TBL1X: variants seen among roughly 807,000 people sequenced by gnomAD.
TBL1X encodes F-box-like/WD repeat-containing protein TBL1X.
Under a neutral mutation model 50.7 loss-of-function variants are expected in TBL1X, and 10 were observed. The ratio of observed to expected loss-of-function variants is 0.20; its 90% CI spans 0.12 to 0.33. The LOEUF (loss-of-function observed/expected upper bound fraction) is 0.33. Ranked by LOEUF, TBL1X falls within the 10% of genes least tolerant of loss-of-function variation. The pLI is 1.00. For missense variants in TBL1X, 340 were observed against 504.4 expected (o/e 0.67, Z 3.12); for synonymous variants, 190 against 214.7 (o/e 0.88, Z 1.01).
chrX:9,491,499 C>A (rs1295740494), intron 1 of TBL1X, among the ~76,000 whole-genome samples: 1 of 106,614 alleles, frequency 9.4e-6, no homozygotes, highest in Admixed American at 1.0e-4. Context: ...TACCACCACA[C>A]CCAGCTAGTG....
At chrX:9,537,703 C>T (rs1339600728) in intron 2 of TBL1X, among the ~76,000 whole-genome samples, 1 of 113,006 alleles carries the variant, frequency 8.8e-6, no homozygotes, top group Non-Finnish European at 1.9e-5. Context: ...TGTTTATCCA[C>T]TCATCTGTCA....
At chrX:9,539,498 C>T (rs758814906) in intron 2 of TBL1X, among the ~76,000 whole-genome samples, 26 of 111,682 alleles carry the variant, frequency 2.3e-4, no homozygotes, top group African/African-American at 8.5e-4. Context: ...TCCTACTCCC[C>T]TCTTCTCCTC....
chrX:9,694,379 A>G (rs1262728710), intron 11 of TBL1X, among the ~76,000 whole-genome samples: 1 of 111,806 alleles, frequency 8.9e-6, no homozygotes, highest in African/African-American at 3.3e-5. Flanking sequence ...AAAACTTACT[A>G]GGTCTTGAAG....
At chrX:9,636,527 C>CAACAACAACAACAACAACAA (rs1041145002) in intron 2 of TBL1X, 1 of 108,019 alleles carries the variant, frequency 9.3e-6, no homozygotes, top group South Asian at 4.0e-4. Flanking sequence ...ACAACAACAA[C>CAACAACAACAACAACAACAA]CATGTATGGT....
chrX:9,514,440 C>A (rs1170518873), intron 2 of TBL1X, among the ~76,000 whole-genome samples: 1 of 111,332 alleles, frequency 9.0e-6, no homozygotes, highest in Non-Finnish European at 1.9e-5. Flanking sequence ...GTGTTTGTTG[C>A]AGTTAGTTTT....
intron 2 of TBL1X, among the ~76,000 whole-genome samples, chrX:9,598,030 G>A: frequency 8.9e-6 from 1 of 111,922 alleles, no homozygotes; most frequent in East Asian, 2.8e-4. Context: ...TCTTAACCGA[G>A]TGTGACTGGC....
chrX:9,472,543 C>T (rs1198991172), intron 1 of TBL1X, among the ~76,000 whole-genome samples: 1 of 108,065 alleles, frequency 9.3e-6, no homozygotes, highest in Non-Finnish European at 1.9e-5. Flanking sequence ...CTTCCTGCAT[C>T]GGCCTCCCAA....
At chrX:9,702,159 G>C (rs1174289159) in intron 12 of TBL1X, among the ~76,000 whole-genome samples, 1 of 111,454 alleles carries the variant, frequency 9.0e-6, no homozygotes, top group Non-Finnish European at 1.9e-5. Context: ...CACATGGCTG[G>C]GTGCGTTGGC....
intron 2 of TBL1X, among the ~76,000 whole-genome samples, chrX:9,625,945 T>A (rs1470948894): frequency 8.9e-6 from 1 of 111,732 alleles, no homozygotes; most frequent in Non-Finnish European, 1.9e-5. Context: ...TGGTTGTTTT[T>A]ATTTTTTATT....
chrX:9,560,865 C>T (rs1040843045), intron 2 of TBL1X, among the ~76,000 whole-genome samples: 4 of 111,954 alleles, frequency 3.6e-5, no homozygotes, highest in South Asian at 7.5e-4. Flanking sequence ...CAATCAGGTC[C>T]TCCCAACTCC....
At chrX:9,566,734 G>C (rs1349719247) in intron 2 of TBL1X, among the ~76,000 whole-genome samples, 1 of 83,579 alleles carries the variant, frequency 1.2e-5, no homozygotes, top group East Asian at 3.4e-4. Flanking sequence ...CCAGTGCTCA[G>C]GTGGCTGCGG....
intron 2 of TBL1X, among the ~76,000 whole-genome samples, chrX:9,632,559 A>G (rs1295003515): frequency 8.9e-6 from 1 of 112,169 alleles, no homozygotes; most frequent in Admixed American, 9.4e-5. Context: ...CTGGGATTAC[A>G]GGTGTGAGCC....
chrX:9,608,097 G>A (rs2082593210), intron 2 of TBL1X, among the ~76,000 whole-genome samples: 1 of 110,510 alleles, frequency 9.0e-6, no homozygotes, highest in African/African-American at 3.3e-5. Context: ...CCATGTGCCT[G>A]GCCGAGAATG....
intron 12 of TBL1X, among the ~76,000 whole-genome samples, chrX:9,699,696 G>C (rs1249718538): frequency 9.0e-6 from 1 of 111,708 alleles, no homozygotes; most frequent in African/African-American, 3.3e-5. Context: ...GATTGTGTTA[G>C]ATGCATAGGC....
chrX:9,547,107 C>T (rs993544546), intron 2 of TBL1X, among the ~76,000 whole-genome samples: 2 of 110,159 alleles, frequency 1.8e-5, no homozygotes, highest in African/African-American at 6.6e-5. Context: ...CGTGGGCCAC[C>T]GCGCCCGGCC....
intron 2 of TBL1X, among the ~76,000 whole-genome samples, chrX:9,502,476 G>C (rs2082006222): frequency 8.9e-6 from 1 of 112,386 alleles, no homozygotes; most frequent in Non-Finnish European, 1.9e-5. Context: ...TATGATGCTA[G>C]TCTTGAGTGC....
intron 2 of TBL1X, among the ~76,000 whole-genome samples, chrX:9,606,779 C>T (rs758437339): frequency 8.9e-6 from 1 of 112,351 alleles, no homozygotes; most frequent in Non-Finnish European, 1.9e-5. Context: ...CAAATGCAAA[C>T]AGTTCCTGAG....
At chrX:9,695,684 G>A (rs1399534016) in intron 11 of TBL1X, among the ~76,000 whole-genome samples, 1 of 111,893 alleles carries the variant, frequency 8.9e-6, no homozygotes, top group African/African-American at 3.2e-5. Context: ...GCCTGGAGAG[G>A]GTTATTAATT....
intron 5 of TBL1X, among the ~76,000 whole-genome samples, chrX:9,662,405 A>G (rs1378471728): frequency 1.8e-5 from 2 of 112,110 alleles, no homozygotes; most frequent in African/African-American, 6.5e-5. Flanking sequence ...AAATTCTGAC[A>G]CAGGCTCCAG....
Sources: allele counts gnomAD v4.1 joint callset (sites outside exome capture counted in the v4.1 genomes callset), GRCh38; gene constraint gnomAD v4.1.1; transcripts MANE v1.5; gene names NCBI Gene and HGNC (gene_info 2026-07-23, HGNC 2026-07-21).